The following NR6A1 variants were observed in gnomAD, a reference collection of about 807,000 sequenced individuals.
The protein encoded by NR6A1 is nuclear receptor subfamily 6 group A member 1, also known as retinoic acid receptor-related testis-associated receptor.
In NR6A1, 7 loss-of-function variants were observed where a neutral mutation model predicts 59.1. That is an observed-to-expected ratio of 0.12 (90% confidence interval 0.07 to 0.22). NR6A1 has a LOEUF of 0.22. Ranked by LOEUF, NR6A1 falls within the 10% of genes least tolerant of loss-of-function variation. The pLI is 1.00. For missense variants in NR6A1, 468 were observed against 611.6 expected (o/e 0.77, Z 2.48); for synonymous variants, 243 against 236.1 (o/e 1.03, Z -0.27).
chr9:124,707,128 G>A (rs1356466719), intron 2 of NR6A1, among the ~76,000 whole-genome samples: 1 of 152,032 alleles, frequency 6.6e-6, no homozygotes, highest in Non-Finnish European at 1.5e-5. Context: ...CTCCTCCCAT[G>A]AGTCTCATTA....
intron 2 of NR6A1, among the ~76,000 whole-genome samples, chr9:124,703,738 T>A (rs1839036981): frequency 6.6e-6 from 1 of 152,258 alleles, no homozygotes; most frequent in Non-Finnish European, 1.5e-5. Context: ...GTTACCAGGA[T>A]AATACCATGC....
intron 2 of NR6A1, among the ~76,000 whole-genome samples, chr9:124,613,126 G>A (rs549291806): frequency 1.3e-5 from 2 of 152,100 alleles, no homozygotes; most frequent in East Asian, 1.9e-4. Flanking sequence ...GCTTGAGGCC[G>A]GGAGTTTGAG....
intron 2 of NR6A1, among the ~76,000 whole-genome samples, chr9:124,704,750 T>TG (rs1046618444): frequency 3.3e-5 from 5 of 152,092 alleles, no homozygotes; most frequent in African/African-American, 4.8e-5. Context: ...TTTTTGTGTG[T>TG]GGGGGGGAAG....
intron 2 of NR6A1, among the ~76,000 whole-genome samples, chr9:124,575,213 T>C (rs189339458): frequency 2.6e-5 from 4 of 152,362 alleles, no homozygotes; most frequent in Admixed American, 6.5e-5. Flanking sequence ...CTAATTTCTC[T>C]ATCAAAACCT....
At chr9:124,666,547 G>A (rs1837626266) in intron 2 of NR6A1, among the ~76,000 whole-genome samples, 2 of 152,146 alleles carry the variant, frequency 1.3e-5, no homozygotes, top group Admixed American at 1.3e-4. Context: ...CCAAAGTGCT[G>A]GGATTACAAG....
chr9:124,709,428 G>T (rs887256256), intron 2 of NR6A1, among the ~76,000 whole-genome samples: 1 of 152,112 alleles, frequency 6.6e-6, no homozygotes, highest in Non-Finnish European at 1.5e-5. Context: ...GTGCTAGAAG[G>T]CTATGTGACA....
chr9:124,595,716 A>G, intron 2 of NR6A1: 1 of 1,150,624 alleles, frequency 8.7e-7, no homozygotes, highest in Non-Finnish European at 1.2e-6. Context: ...AAAATTTCTA[A>G]CCCTTAGATT....
intron 2 of NR6A1, among the ~76,000 whole-genome samples, chr9:124,557,601 G>A (rs926705051): frequency 6.6e-6 from 1 of 152,032 alleles, no homozygotes; most frequent in African/African-American, 2.4e-5. Context: ...GAAAGCTCAA[G>A]GTAAACACTA....
At chr9:124,658,631 T>TA (rs1222588474) in intron 2 of NR6A1, 13 of 149,566 alleles carry the variant, frequency 8.7e-5, no homozygotes, top group African/African-American at 2.9e-4. Context: ...AGCTCGAACT[T>TA]TTTTGATTGT....
At chr9:124,705,535 A>G (rs1480923941) in intron 2 of NR6A1, among the ~76,000 whole-genome samples, 1 of 152,032 alleles carries the variant, frequency 6.6e-6, no homozygotes, top group Non-Finnish European at 1.5e-5. Context: ...TTTACTTTCA[A>G]CCTATTTGTG....
At chr9:124,676,677 T>C (rs894338610) in intron 2 of NR6A1, among the ~76,000 whole-genome samples, 6 of 152,176 alleles carry the variant, frequency 3.9e-5, no homozygotes, top group Non-Finnish European at 7.4e-5. Context: ...TTTGTGGCAA[T>C]AAAGAATCAG....
chr9:124,637,169 C>T (rs1465222039), intron 2 of NR6A1, among the ~76,000 whole-genome samples: 1 of 152,082 alleles, frequency 6.6e-6, no homozygotes, highest in African/African-American at 2.4e-5. Flanking sequence ...AGAGAAAAGG[C>T]AGGAGTAGAA....
chr9:124,585,500 C>T (rs1384858013), intron 2 of NR6A1, among the ~76,000 whole-genome samples: 5 of 139,582 alleles, frequency 3.6e-5, no homozygotes, highest in South Asian at 2.2e-4. Flanking sequence ...GCCGAGATCA[C>T]GCCACTGCAC....
At chr9:124,626,419 T>A (rs182281280) in intron 2 of NR6A1, among the ~76,000 whole-genome samples, 2 of 152,360 alleles carry the variant, frequency 1.3e-5, no homozygotes, top group Admixed American at 1.3e-4. Context: ...TCTGTTTCTC[T>A]GGAGAATAAT....
At position 124,766,145 on chromosome 9, in the gene NR6A1, A is replaced by G. The variant is rs1383325553; in HGVS notation, c.100+4875T>C. Among the ~76,000 whole-genome samples, 3 of 152,246 alleles carry G rather than the reference A, an allele frequency of 2.0e-5. No homozygotes were observed. The East Asian group carries it at 5.8e-4, about 29-fold the overall frequency. ...CTCTAAAAAGCTCAATACCCAAGAA[A>G]GAATTACCTGCTCAGTACCAAACCA... On this transcript the variant is annotated intron_variant, in intron 1 of 9. Transcript: ENST00000487099.
intron 1 of NR6A1, among the ~76,000 whole-genome samples, chr9:124,745,847 G>A (rs1840315540): frequency 6.6e-6 from 1 of 150,756 alleles, no homozygotes; most frequent in South Asian, 2.1e-4. Flanking sequence ...CAGGCATGGT[G>A]GTGCATGCCT....
chr9:124,596,364 C>A (rs1835272993), intron 2 of NR6A1, among the ~76,000 whole-genome samples: 1 of 152,038 alleles, frequency 6.6e-6, no homozygotes. Context: ...TTACAATAAA[C>A]AATGACAAGG....
intron 2 of NR6A1, chr9:124,599,698 G>C: frequency 1.6e-6 from 1 of 639,030 alleles, no homozygotes; most frequent in Non-Finnish European, 2.2e-6. Flanking sequence ...AATTATGAAT[G>C]GCAGAACCTT....
chr9:124,770,913 C>T lies in NR6A1; in HGVS notation c.100+107G>A, dbSNP rs911571951. The stretch of plus-strand genomic sequence containing the variant: ...GGGCCACCCTAAGGGGCCGCGGGGC[C>T]GCTGCGGCTTCCCAGGGCGAGGGTC... On this transcript the variant is annotated intron_variant, in intron 1 of 9. Transcript: ENST00000487099. 4.2e-4 allele frequency: 254 copies of T among 609,420 alleles called. 1 individual carries two copies. The highest frequency in any genetic ancestry group is 4.4e-4 in the Admixed American group (10 of 22,872). 37.8% of individuals were successfully genotyped at this position (609,420 alleles called of 1,614,324 possible).
Sources: allele counts gnomAD v4.1 joint callset (sites outside exome capture counted in the v4.1 genomes callset), GRCh38; gene constraint gnomAD v4.1.1; transcripts MANE v1.5; gene names NCBI Gene and HGNC (gene_info 2026-07-23, HGNC 2026-07-21).